ARFGEF2: variants seen among roughly 807,000 people sequenced by gnomAD.
ARFGEF2 encodes ARF guanine nucleotide exchange factor 2, also known as brefeldin A-inhibited guanine nucleotide-exchange protein 2.
Under a neutral mutation model 219.9 loss-of-function variants are expected in ARFGEF2, and 74 were observed. That is an observed-to-expected ratio of 0.34 (90% CI 0.28 to 0.41). The LOEUF (loss-of-function observed/expected upper bound fraction) is 0.41. Among genes scored for constraint, ARFGEF2 ranks in the 10% least tolerant of loss-of-function variants. The probability of loss-of-function intolerance (pLI) is 1.00; values close to 1 mark genes in which losing one functional copy is unlikely to be tolerated. For missense variants in ARFGEF2, 1,743 were observed against 2,218.3 expected (o/e 0.79, Z 4.30); for synonymous variants, 733 against 799.2 (o/e 0.92, Z 1.40).
Position 48,971,270 on chromosome 20 carries a change from A to G in ARFGEF2, c.1341A>G (p.Ser447=), listed in dbSNP as rs750740602. 4.3e-6 allele frequency: 7 copies of G among 1,614,184 alleles called. No individual in the cohort carries two copies. The highest frequency in any genetic ancestry group is 5.9e-6 in the Non-Finnish European group (7 of 1,180,036). ...CVALSKNGVS[S]VPDVFELSLA... ...CCTTGTCCAAAAACGGCGTCTCTTC[A>G]GTGCCTGATGTCTTTGAGCTCTCTC... The change falls in exon 10 of 39, where the codon TCA becomes TCG. Residue 447 remains serine, a synonymous_variant. Transcript: ENST00000371917.
intron 1 of ARFGEF2, 41 bp downstream of exon 1, chr20:48,922,051 C>A (rs746527124): frequency 1.3e-6 from 2 of 1,557,086 alleles, no homozygotes; most frequent in Non-Finnish European, 8.7e-7. Context: ...CTGGCCTCAG[C>A]ACGTCGGCCG....
chr20:48,938,526 G>C (rs1037578638), intron 1 of ARFGEF2, among the ~76,000 whole-genome samples: 2 of 152,098 alleles, frequency 1.3e-5, no homozygotes, highest in African/African-American at 4.8e-5. Context: ...GGGTAGCTGG[G>C]ATATCCATCA....
In ARFGEF2 at chr20:48,952,945, T is replaced by TG; in HGVS notation, c.603+62dup. On this transcript the variant is annotated intron_variant, in intron 5 of 38. Transcript: ENST00000371917. Reference sequence around the variant, plus strand: ...TCATTGCTCTCTGAACTCTATCATGTGTGACCTTGGTGCCTGTGAAGAATC... The same window carrying TG: ...TCATTGCTCTCTGAACTCTATCATGTGGTGACCTTGGTGCCTGTGAAGAATC... The TG allele has an allele frequency of 2.6e-6, 4 of 1,564,986 alleles. 1 individual carries two copies. Among genetic ancestry groups the TG allele is most frequent in the Non-Finnish European group, 3.5e-6 (4 of 1,135,590 alleles).
At chr20:48,983,523 C>T (rs563672820) in intron 14 of ARFGEF2, among the ~76,000 whole-genome samples, 27 of 152,334 alleles carry the variant, frequency 1.8e-4, no homozygotes, top group African/African-American at 6.5e-4. Flanking sequence ...TATCACTCTC[C>T]TGCCTAAATC....
At chr20:49,032,262 C>T in intron 38 of ARFGEF2, 96 bp downstream of exon 38, 1 of 882,704 alleles carries the variant, frequency 1.1e-6, no homozygotes, top group African/African-American at 1.6e-5. Context: ...TCTCAGTTCT[C>T]CCAAGGATGG....
intron 1 of ARFGEF2, among the ~76,000 whole-genome samples, chr20:48,936,385 CGGGT>C (rs1414118980): frequency 3.4e-5 from 5 of 146,450 alleles, no homozygotes; most frequent in African/African-American, 1.3e-4. Flanking sequence ...AGGTGGCTGC[CGGGT>C]GGAGATGCTC....
intron 8 of ARFGEF2, among the ~76,000 whole-genome samples, chr20:48,966,997 C>G (rs2091192147): frequency 6.6e-6 from 1 of 152,110 alleles, no homozygotes; most frequent in African/African-American, 2.4e-5. Flanking sequence ...CAGGCATGCA[C>G]CACCATACCT....
At chr20:48,964,137 G>A (rs924798719) in intron 7 of ARFGEF2, among the ~76,000 whole-genome samples, 2 of 152,168 alleles carry the variant, frequency 1.3e-5, no homozygotes, top group Non-Finnish European at 2.9e-5. Context: ...GGCCAGGCGC[G>A]GTGGCTCATG....
At chr20:48,944,077 C>T (rs978140780) in intron 3 of ARFGEF2, among the ~76,000 whole-genome samples, 6 of 152,308 alleles carry the variant, frequency 3.9e-5, no homozygotes, top group East Asian at 1.9e-4. Context: ...AGTTTCTTCA[C>T]GGAAACAACT....
At position 48,981,495 on chromosome 20, in the gene ARFGEF2, T is replaced by G. The variant is rs564601534; in HGVS notation, c.1959-3234T>G. Among the ~76,000 whole-genome samples, 5 of 152,324 alleles carry G rather than the reference T, an allele frequency of 3.3e-5. No individual in the cohort carries two copies. In the South Asian group the frequency reaches 8.3e-4, roughly 25 times the overall value. On this transcript the variant is annotated intron_variant, in intron 14 of 38. Transcript: ENST00000371917. Reference sequence around the variant, plus strand: ...CTTCTCTAGGAGTATCTTTGTGGTGTTCTCTGTATTTCCTGAATTTGAAAG... The same window carrying G: ...CTTCTCTAGGAGTATCTTTGTGGTGGTCTCTGTATTTCCTGAATTTGAAAG...
chr20:48,956,162 T>C lies in ARFGEF2; in HGVS notation c.838+2372T>C, dbSNP rs115311467. ...TATTTTTACATATTACTAAAGTGCA[T>C]GGATGTTGGACACAACCATGGGGCT... On this transcript the variant is annotated intron_variant, in intron 6 of 38. Coordinates refer to ENST00000371917, the MANE Select transcript of ARFGEF2 (RefSeq NM_006420.3). Among the ~76,000 whole-genome samples the C allele has an allele frequency of 3.6e-3, 551 of 152,378 alleles. 3 individuals carry two copies. The highest frequency in any genetic ancestry group is 0.013 in the African/African-American group (531 of 41,596).
rs764161889 is a variant in ARFGEF2, at chr20:49,011,961, T to C, written c.3795T>C (p.Asp1265=). 11 of 1,614,136 alleles carry C rather than the reference T, an allele frequency of 6.8e-6. No individual in the cohort carries two copies. Among genetic ancestry groups the C allele is most frequent in the Non-Finnish European group, 9.3e-6 (11 of 1,180,054 alleles). ...IFQHHFPAAI[D]SFQDAVKCLS... Reference sequence around the variant, plus strand: ...AGCACCATTTTCCTGCAGCCATCGATTCCTTTCAGGATGCTGTGAAGTGCT... The same window carrying C: ...AGCACCATTTTCCTGCAGCCATCGACTCCTTTCAGGATGCTGTGAAGTGCT... Residue 1265 remains aspartate (D), a synonymous_variant, in exon 28 of 39, where the codon GAT becomes GAC. Coordinates refer to ENST00000371917, the MANE Select transcript of ARFGEF2 (RefSeq NM_006420.3).
intron 10 of ARFGEF2, 62 bp downstream of exon 10, chr20:48,971,416 TACTC>T (rs2091227043): frequency 1.6e-6 from 2 of 1,235,868 alleles, no homozygotes; most frequent in South Asian, 1.3e-5. Context: ...TTAATTATAA[TACTC>T]AATATTGAGA....
At chr20:49,011,816 A>T in intron 27 of ARFGEF2, 108 bp from the exon 28 acceptor site, 1 of 1,267,712 alleles carries the variant, frequency 7.9e-7, no homozygotes, top group Non-Finnish European at 1.1e-6. Context: ...TTTCACAGTT[A>T]ATTATCTCTG....
rs2091078986 is a variant in ARFGEF2, at chr20:48,952,736, T to C, written c.455T>C (p.Ile152Thr). 1 of 1,614,224 alleles carries C rather than the reference T, an allele frequency of 6.2e-7. No homozygotes were observed. The highest frequency in any genetic ancestry group is 1.7e-5 in the Admixed American group (1 of 60,028). The change falls in exon 5 of 39, where the codon ATT becomes ACT. Residue 152 changes from isoleucine (I) to threonine (T), a missense_variant. Transcript: ENST00000371917. ...ALLTAVTSPH[I>T]EIHEGTILQT... ...CTGACTGCAGTGACTTCCCCACACA[T>C]TGAAATTCATGAGGGTACTATCCTG...
At chr20:48,938,980 G>GT (rs1381256978) in intron 1 of ARFGEF2, among the ~76,000 whole-genome samples, 1,629 of 133,400 alleles carry the variant, frequency 0.012, 33 homozygotes, top group African/African-American at 0.028. Context: ...TTTTTTGTTT[G>GT]TTTTTTTTTT....
chr20:49,023,074 CTCA>C lies in ARFGEF2; in HGVS notation c.4652_4654del (p.Ile1551del). 6 of 1,614,200 alleles carry C rather than the reference CTCA, an allele frequency of 3.7e-6. No homozygotes were observed. The highest frequency in any genetic ancestry group is 1.1e-5 in the South Asian group (1 of 91,086). On this transcript the variant is annotated inframe_deletion, in exon 35 of 39. Transcript: ENST00000371917. ...AGATCAGAAACTGTTTGCCAGCCTC[CTCA>C]TCAAGTGTGTGGTCCAGTTGGAATT...
chr20:49,019,365 T>C (rs192756588), intron 34 of ARFGEF2, among the ~76,000 whole-genome samples: 1 of 152,360 alleles, frequency 6.6e-6, no homozygotes, highest in East Asian at 1.9e-4. Flanking sequence ...CTTATTCTTT[T>C]TTCAGTTAAT....
intron 16 of ARFGEF2, among the ~76,000 whole-genome samples, chr20:48,986,216 T>C (rs1311225153): frequency 1.3e-5 from 2 of 152,158 alleles, no homozygotes; most frequent in African/African-American, 4.8e-5. Flanking sequence ...AGCCCAGGAA[T>C]AGTATCCCTG....
Sources: allele counts gnomAD v4.1 joint callset (sites outside exome capture counted in the v4.1 genomes callset), GRCh38; gene constraint gnomAD v4.1.1; transcripts MANE v1.5; gene names NCBI Gene and HGNC (gene_info 2026-07-23, HGNC 2026-07-21).